The following DCDC2 variants were observed in gnomAD, a reference collection of about 807,000 sequenced individuals.
DCDC2 encodes the protein doublecortin domain-containing protein 2.
Under a neutral mutation model 50.2 loss-of-function variants are expected in DCDC2, and 40 were observed. The ratio of observed to expected loss-of-function variants is 0.80; its 90% CI spans 0.62 to 1.04. DCDC2 has a LOEUF of 1.04. Among genes scored for constraint, DCDC2 ranks in the 50% least tolerant of loss-of-function variants. The pLI is 0.00. For missense variants in DCDC2, 570 were observed against 581.9 expected (o/e 0.98, Z 0.21); for synonymous variants, 234 against 210.6 (o/e 1.11, Z -0.96).
chr6:24,192,237 A>G (rs777706583), intron 8 of DCDC2, among the ~76,000 whole-genome samples: 2 of 152,194 alleles, frequency 1.3e-5, no homozygotes, highest in Admixed American at 1.3e-4. Flanking sequence ...CAAAATGTTG[A>G]CAGCTAGGTT....
At chr6:24,194,686 C>G (rs577349286) in intron 8 of DCDC2, among the ~76,000 whole-genome samples, 18 of 152,144 alleles carry the variant, frequency 1.2e-4, no homozygotes, top group Admixed American at 2.0e-4. Context: ...ATAAATGGGG[C>G]GTATTGACAT....
intron 7 of DCDC2, 172 bp from the exon 8 acceptor site, chr6:24,205,274 A>G: frequency 6.4e-7 from 1 of 1,554,884 alleles, no homozygotes; most frequent in Middle Eastern, 1.7e-4. Context: ...CAGTTGTTCC[A>G]CATTTTCATT....
intron 7 of DCDC2, among the ~76,000 whole-genome samples, chr6:24,256,491 C>T: frequency 6.6e-6 from 1 of 151,902 alleles, no homozygotes. Flanking sequence ...AAATGTGCCC[C>T]TGTTGCGTGT....
chr6:24,243,757 C>T (rs1283490385), intron 7 of DCDC2, among the ~76,000 whole-genome samples: 1 of 152,126 alleles, frequency 6.6e-6, no homozygotes, highest in Non-Finnish European at 1.5e-5. Context: ...TCCCCATACT[C>T]TGAGCTAAGT....
chr6:24,171,945 T>A lies in DCDC2; in HGVS notation c.*2785A>T, dbSNP rs1760788599. ...TTAAAGCATTATATTGGTTATCACA[T>A]AAAAGCATCATAAGTTTTTCGTAGC... On this transcript the variant is annotated 3_prime_UTR_variant, in exon 10 of 10. Coordinates refer to ENST00000378454, the MANE Select transcript of DCDC2 (RefSeq NM_016356.5). The A allele has an allele frequency of 6.6e-6, 1 of 152,216 alleles. No individual in the cohort carries two copies. The highest frequency in any genetic ancestry group is 6.5e-5 in the Admixed American group (1 of 15,284). The allele number at this position is 152,216 out of a possible 1,614,324, so 9.4% of individuals were successfully genotyped here.
intron 1 of DCDC2, chr6:24,356,912 A>G (rs1686496248): frequency 6.6e-6 from 1 of 152,448 alleles, no homozygotes; most frequent in Non-Finnish European, 1.5e-5. Flanking sequence ...GCATTATGCT[A>G]ACAGCATAAA....
chr6:24,220,558 C>T (rs1581594305), intron 7 of DCDC2, among the ~76,000 whole-genome samples: 1 of 152,284 alleles, frequency 6.6e-6, no homozygotes, highest in African/African-American at 2.4e-5. Flanking sequence ...GGGTAACTGT[C>T]ATTTCACAAA....
chr6:24,300,113 G>A (rs1759339442), intron 4 of DCDC2, among the ~76,000 whole-genome samples: 1 of 151,796 alleles, frequency 6.6e-6, no homozygotes, highest in Non-Finnish European at 1.5e-5. Flanking sequence ...AAGTGGTCCA[G>A]GTACAGTGGC....
intron 2 of DCDC2, among the ~76,000 whole-genome samples, chr6:24,342,693 TAA>T (rs11364823): frequency 1.6e-4 from 23 of 145,338 alleles, no homozygotes; most frequent in African/African-American, 4.9e-4. Flanking sequence ...AGTCTCCAAT[TAA>T]AAAAAAAAAA....
At chr6:24,256,936 C>T (rs1319661729) in intron 7 of DCDC2, among the ~76,000 whole-genome samples, 1 of 152,154 alleles carries the variant, frequency 6.6e-6, no homozygotes, top group Non-Finnish European at 1.5e-5. Context: ...CACTCAACCA[C>T]GTTGACTTTT....
chr6:24,291,016 T>C lies in DCDC2; in HGVS notation c.620A>G (p.Tyr207Cys). The stretch of plus-strand genomic sequence containing the variant: ...AAACTTATCTCTGCCAACAGCCACA[T>C]AAAACTGCCCATTCTCCAACTCTGC... ...SGAELENGQF[Y>C]VAVGRDKFKK... is the part of the protein sequence containing the mutation. Residue 207 changes from tyrosine to cysteine, a missense_variant, in exon 5 of 10, where the codon TAT (tyrosine) becomes TGT (cysteine). Coordinates refer to ENST00000378454, the MANE Select transcript of DCDC2 (RefSeq NM_016356.5). The C allele has an allele frequency of 6.2e-7, 1 of 1,614,032 alleles. No homozygotes were observed. Among genetic ancestry groups the C allele is most frequent in the South Asian group, 1.1e-5 (1 of 91,082 alleles).
intron 2 of DCDC2, among the ~76,000 whole-genome samples, chr6:24,318,780 C>T (rs1002357207): frequency 8.0e-5 from 12 of 149,558 alleles, no homozygotes; most frequent in African/African-American, 1.2e-4. Flanking sequence ...TATATACGTA[C>T]GTGTGTGTGT....
chr6:24,288,846 A>T lies in DCDC2; in HGVS notation c.759+6T>A. 2 of 1,610,378 alleles carry T rather than the reference A, an allele frequency of 1.2e-6. No individual in the cohort carries two copies. Among genetic ancestry groups the T allele is most frequent in the Non-Finnish European group, 1.7e-6 (2 of 1,176,886 alleles). ...AACATCAACGAGGAAAGCATCTGATACTTACACTCCCTTTAGACTTTCTGG... is the reference window on the plus strand; with the variant it reads ...AACATCAACGAGGAAAGCATCTGATTCTTACACTCCCTTTAGACTTTCTGG... On this transcript the variant is annotated splice_donor_region_variant and intron_variant, in intron 6 of 9. Coordinates refer to ENST00000378454, the MANE Select transcript of DCDC2 (RefSeq NM_016356.5).
intron 8 of DCDC2, among the ~76,000 whole-genome samples, chr6:24,178,892 G>A (rs1271430193): frequency 6.6e-6 from 1 of 152,036 alleles, no homozygotes; most frequent in Non-Finnish European, 1.5e-5. Flanking sequence ...AAACTAAACA[G>A]GTGGAGCCCA....
chr6:24,280,452 G>A (rs1230592671), intron 6 of DCDC2, among the ~76,000 whole-genome samples: 8 of 151,174 alleles, frequency 5.3e-5, no homozygotes, highest in African/African-American at 9.7e-5. Flanking sequence ...AGAAATATAC[G>A]ATTATAGCAG....
At chr6:24,217,379 G>C (rs542386400) in intron 7 of DCDC2, among the ~76,000 whole-genome samples, 6 of 152,050 alleles carry the variant, frequency 3.9e-5, no homozygotes, top group African/African-American at 1.4e-4. Flanking sequence ...ATAATCCAAG[G>C]CTCCAACATT....
intron 7 of DCDC2, among the ~76,000 whole-genome samples, chr6:24,260,914 T>A (rs778714410): frequency 2.0e-5 from 3 of 152,212 alleles, no homozygotes; most frequent in Admixed American, 6.5e-5. Context: ...CAATATTGGA[T>A]TGAATTATTG....
intron 7 of DCDC2, among the ~76,000 whole-genome samples, chr6:24,220,873 A>AGAGACAGAGAGT (rs1182236876): frequency 7.0e-6 from 1 of 143,670 alleles, no homozygotes; most frequent in African/African-American, 2.5e-5. Context: ...AGAGAGCAAG[A>AGAGACAGAGAGT]GAGCGAGAGC....
the DCDC2 span, among the ~76,000 whole-genome samples, chr6:24,371,235 C>T: frequency 6.8e-6 from 1 of 147,854 alleles, no homozygotes; most frequent in South Asian, 2.2e-4. Context: ...CGAGATCGCG[C>T]CATTGCACTC....
Sources: allele counts gnomAD v4.1 joint callset (sites outside exome capture counted in the v4.1 genomes callset), GRCh38; gene constraint gnomAD v4.1.1; transcripts MANE v1.5; gene names NCBI Gene and HGNC (gene_info 2026-07-23, HGNC 2026-07-21).